TCEA3: variants seen among roughly 807,000 people sequenced by gnomAD.
TCEA3 encodes transcription elongation factor A protein 3.
A neutral mutation model predicts 44.0 loss-of-function variants in TCEA3; 36 were observed. The observed-to-expected ratio is 0.82, with a 90% CI of 0.63 to 1.08. The LOEUF (loss-of-function observed/expected upper bound fraction) is 1.08, where lower values mean the gene tolerates loss of function less well. TCEA3 is among the 50% of genes least tolerant of loss of function. The pLI is 0.00. For missense variants in TCEA3, 392 were observed against 441.2 expected, an observed-to-expected ratio of 0.89 and a Z score of 1.00; for synonymous variants, 162 against 159.7, an observed-to-expected ratio of 1.01 and a Z score of -0.11.
intron 4 of TCEA3, among the ~76,000 whole-genome samples, chr1:23,414,814 A>C (rs147736179): frequency 6.6e-6 from 1 of 152,332 alleles, no homozygotes; most frequent in Admixed American, 6.5e-5. Context: ...ATTAAAGACT[A>C]TTACAAATAA....
intron 5 of TCEA3, among the ~76,000 whole-genome samples, chr1:23,402,515 C>T (rs955140542): frequency 3.3e-5 from 5 of 152,188 alleles, no homozygotes; most frequent in Admixed American, 6.5e-5. Context: ...CTCCCACTGC[C>T]GGGCCTTTGC....
chr1:23,381,536 G>A (rs1638671600), intron 10 of TCEA3, 62 bp from the exon 11 acceptor site: 1 of 779,594 alleles, frequency 1.3e-6, no homozygotes, highest in African/African-American at 1.7e-5. Context: ...AGGAGGCTGT[G>A]GGGGAATATG....
rs981953398 is a variant in TCEA3 at position 23,387,996 on chromosome 1, A to C, written c.820-577T>G. Among the ~76,000 whole-genome samples, 3 of 152,018 alleles carry C rather than the reference A, an allele frequency of 2.0e-5. No individual in the cohort carries two copies. The East Asian group carries it at 5.8e-4, about 29-fold the overall frequency. Reference sequence around the variant, plus strand: ...ATCATCTTTTTCTGAGAGTTTCTACAGAAGAGTCTCCAGTCTCCCACCAGC... The same window carrying C: ...ATCATCTTTTTCTGAGAGTTTCTACCGAAGAGTCTCCAGTCTCCCACCAGC... On this transcript the variant is annotated intron_variant, in intron 8 of 10. Transcript: ENST00000450454.
rs753766780 is a variant in TCEA3, at chr1:23,384,331, C to A, written c.1038+15G>T. ...GTGGATAACAGGGAAGGGGGAAATA[C>A]ATAAACATACAGACCTTCCAGCGAT... On this transcript the variant is annotated intron_variant, in intron 10 of 10. Transcript: ENST00000450454. The A allele has an allele frequency of 6.2e-7, 1 of 1,613,878 alleles. No homozygotes were observed. The highest frequency in any genetic ancestry group is 8.5e-7 in the Non-Finnish European group (1 of 1,179,846).
intron 2 of TCEA3, chr1:23,418,269 G>A (rs1639952612): frequency 2.2e-6 from 1 of 456,298 alleles, no homozygotes. Flanking sequence ...AGGGTTGGGG[G>A]TGGCACTTGG....
At chr1:23,422,402 A>G (rs959464903) in intron 1 of TCEA3, among the ~76,000 whole-genome samples, 2 of 152,176 alleles carry the variant, frequency 1.3e-5, no homozygotes, top group African/African-American at 2.4e-5. Context: ...ACTTGGTTGC[A>G]TGTTTGAAGT....
chr1:23,404,905 G>A (rs1038502063), intron 5 of TCEA3, among the ~76,000 whole-genome samples: 1 of 152,182 alleles, frequency 6.6e-6, no homozygotes, highest in East Asian at 1.9e-4. Context: ...GGTTGAGGCT[G>A]CAGTGAGCCC....
intron 4 of TCEA3, chr1:23,412,266 A>C (rs1639734943): frequency 1.3e-5 from 2 of 152,088 alleles, no homozygotes; most frequent in African/African-American, 2.4e-5. Context: ...TTAAAAAAAT[A>C]ATTTGCACCC....
chr1:23,412,662 C>T (rs573794444), intron 4 of TCEA3, among the ~76,000 whole-genome samples: 2 of 147,442 alleles, frequency 1.4e-5, no homozygotes, highest in South Asian at 4.3e-4. Flanking sequence ...GAGCTGAGAT[C>T]GTGCCATTGC....
At chr1:23,399,362 C>A (rs1558043630) in intron 5 of TCEA3, among the ~76,000 whole-genome samples, 2 of 151,740 alleles carry the variant, frequency 1.3e-5, no homozygotes, top group African/African-American at 2.4e-5. Flanking sequence ...TTGTGAATGG[C>A]AGTCTTCTCA....
At position 23,422,720 on chromosome 1, in the gene TCEA3, G is replaced by T. The variant is rs1300499815; in HGVS notation, c.69+1845C>A. Among the ~76,000 whole-genome samples, 3 of 152,252 alleles carry T rather than the reference G, an allele frequency of 2.0e-5. No homozygotes were observed. In the South Asian group the frequency reaches 6.2e-4, roughly 32 times the overall value. ...TGCGGCCAGACTTGCATCTTTTCAG[G>T]GGACAGCTCTGGGCACTTCCACAGG... On this transcript the variant is annotated intron_variant, in intron 1 of 10. Transcript: ENST00000450454.
chr1:23,389,666 A>G (rs1395870333), intron 8 of TCEA3, among the ~76,000 whole-genome samples: 1 of 152,092 alleles, frequency 6.6e-6, no homozygotes, highest in Non-Finnish European at 1.5e-5. Context: ...CAAAAACAAA[A>G]TCTATTGGAT....
chr1:23,404,224 C>T (rs1369788387), intron 5 of TCEA3: 4 of 701,408 alleles, frequency 5.7e-6, no homozygotes, highest in Non-Finnish European at 1.0e-5. Context: ...CAACTTTCTC[C>T]CCTGTCAACA....
intron 5 of TCEA3, among the ~76,000 whole-genome samples, chr1:23,404,384 C>CCATTCT (rs1414212924): frequency 6.6e-6 from 1 of 151,946 alleles, no homozygotes; most frequent in Non-Finnish European, 1.5e-5. Flanking sequence ...TATTGACTTT[C>CCATTCT]CATTCTCAGC....
rs201022740 is a variant in TCEA3, at chr1:23,399,140, ATATG to A, written c.444-1189_444-1186del. 5.1e-3 allele frequency among the ~76,000 whole-genome samples: 377 copies of A among 73,922 alleles called. 1 individual carries two copies. The highest frequency in any genetic ancestry group is 0.029 in the African/African-American group (351 of 12,288). 48.5% of individuals were successfully genotyped at this position (73,922 alleles called of 152,430 possible). A position where few individuals can be genotyped will look rare whatever the true frequency, so the allele number is the denominator to read the frequency against. ...TCAGGTTTTGTTTATATATATGTAT[ATATG>A]TATATATATATATATATATATATAT... On this transcript the variant is annotated intron_variant, in intron 5 of 10. Coordinates refer to ENST00000450454, the MANE Select transcript of TCEA3 (RefSeq NM_003196.3).
intron 9 of TCEA3, among the ~76,000 whole-genome samples, chr1:23,386,705 G>A (rs1297314036): frequency 7.5e-6 from 1 of 134,008 alleles, no homozygotes; most frequent in African/African-American, 2.7e-5. Flanking sequence ...TTACAGGCAC[G>A]TGCCACCATG....
In TCEA3 at chr1:23,423,872, C is replaced by G. The variant is rs981986513; in HGVS notation, c.69+693G>C. 1.3e-5 allele frequency: 6 copies of G among 456,050 alleles called. No homozygotes were observed. The Admixed American group carries it at 1.4e-4, about 11-fold the overall frequency. The allele number at this position is 456,050 out of a possible 1,614,324, so 28.3% of individuals were successfully genotyped here. ...CCTGCTCCCAACCTCCCGCCGAGCC[C>G]GCTCCTCCCTCCGCCCTCGCCCTCG... On this transcript the variant is annotated intron_variant, in intron 1 of 10. Coordinates refer to ENST00000450454, the MANE Select transcript of TCEA3 (RefSeq NM_003196.3).
chr1:23,387,552 G>A (rs895802827), intron 8 of TCEA3, 133 bp from the exon 9 acceptor site: 2 of 1,119,232 alleles, frequency 1.8e-6, no homozygotes, highest in African/African-American at 3.2e-5. Flanking sequence ...AAGGAGGCCT[G>A]GATTCCGGGT....
rs67325313 is a variant in TCEA3 at position 23,400,373 on chromosome 1, C to CTTTTTTTT, written c.444-2426_444-2419dup. Among the ~76,000 whole-genome samples, 60 of 133,462 alleles carry CTTTTTTTT rather than the reference C, an allele frequency of 4.5e-4. 1 individual carries two copies. The highest frequency in any genetic ancestry group is 1.0e-3 in the Admixed American group (14 of 13,576). 87.6% of individuals were successfully genotyped at this position (133,462 alleles called of 152,430 possible). A position where few individuals can be genotyped will look rare whatever the true frequency, so the allele number is the denominator to read the frequency against. ...TACAGGCAGATGCCGCCACACCAGG[C>CTTTTTTTT]TTTTTTTTTTTTTTTGTAGAAATGG... On this transcript the variant is annotated intron_variant, in intron 5 of 10. Coordinates refer to ENST00000450454, the MANE Select transcript of TCEA3 (RefSeq NM_003196.3).
Sources: gnomAD v4.1 joint callset for allele counts (sites outside exome capture counted in the v4.1 genomes callset) on GRCh38, gnomAD v4.1.1 for gene constraint, MANE v1.5 for transcripts, NCBI Gene and HGNC (gene_info 2026-07-23, HGNC 2026-07-21) for gene names.